SLC4A4: variants seen among roughly 807,000 people sequenced by gnomAD.
SLC4A4 encodes the protein electrogenic sodium bicarbonate cotransporter 1.
A neutral mutation model predicts 111.5 loss-of-function variants in SLC4A4; 27 were observed. The observed-to-expected ratio is 0.24, with a 90% CI of 0.18 to 0.33. The LOEUF (loss-of-function observed/expected upper bound fraction) is 0.33, where lower values mean the gene tolerates loss of function less well. Among genes scored for constraint, SLC4A4 ranks in the 10% least tolerant of loss-of-function variants. The pLI is 1.00. For missense variants in SLC4A4, 909 were observed against 1,315.5 expected (o/e 0.69, Z 4.78); for synonymous variants, 443 against 463.4 (o/e 0.96, Z 0.57).
At chr4:71,083,499 G>A (rs1310317424) in intron 1 of SLC4A4, among the ~76,000 whole-genome samples, 1 of 151,690 alleles carries the variant, frequency 6.6e-6, no homozygotes, top group Non-Finnish European at 1.5e-5. Context: ...TGATTATTAA[G>A]GTAAAACAGA....
chr4:71,561,555 T>C (rs531485649), intron 23 of SLC4A4, among the ~76,000 whole-genome samples: 1 of 151,608 alleles, frequency 6.6e-6, no homozygotes, highest in Non-Finnish European at 1.5e-5. Flanking sequence ...ATAAATTGAT[T>C]CAATAAGAAA....
chr4:71,336,040 C>T (rs1489214959), intron 3 of SLC4A4, among the ~76,000 whole-genome samples: 2 of 152,064 alleles, frequency 1.3e-5, no homozygotes, highest in Non-Finnish European at 2.9e-5. Flanking sequence ...TCTGTAAGAT[C>T]AGAGATCTTT....
At chr4:71,241,651 G>A (rs562645508) in intron 2 of SLC4A4, among the ~76,000 whole-genome samples, 2 of 152,228 alleles carry the variant, frequency 1.3e-5, no homozygotes, top group South Asian at 4.1e-4. Context: ...ATAAGTGTCC[G>A]GTTGCATTTT....
chr4:71,338,958 T>A, intron 3 of SLC4A4: 1 of 862,198 alleles, frequency 1.2e-6, no homozygotes, highest in South Asian at 1.9e-5. Flanking sequence ...ATCTCAGGAT[T>A]GGGGTACTTT....
At chr4:71,439,467 A>G (rs111601301) in intron 7 of SLC4A4, among the ~76,000 whole-genome samples, 14,321 of 135,326 alleles carry the variant, frequency 0.11, 1,271 homozygotes, top group African/African-American at 0.19. Context: ...AAAAAAAAAA[A>G]AAAAGAAAAG....
In SLC4A4 at chr4:71,214,325, C is replaced by T. The variant is rs183397311; in HGVS notation, c.-1-22251C>T. ...GTTTGAAAGGGAATGATAATTAAAG[C>T]AACTTCAGTTACATTGTGGATTTTC... On this transcript the variant is annotated intron_variant, in intron 1 of 25. Transcript: ENST00000264485. Among the ~76,000 whole-genome samples, 7 of 152,290 alleles carry T rather than the reference C, an allele frequency of 4.6e-5. No homozygotes were observed. In the East Asian group the frequency reaches 1.2e-3, roughly 25 times the overall value.
chr4:71,527,328 C>T (rs1264249220), intron 16 of SLC4A4, among the ~76,000 whole-genome samples: 1 of 151,988 alleles, frequency 6.6e-6, no homozygotes, highest in Non-Finnish European at 1.5e-5. Flanking sequence ...TGGCAGGATC[C>T]TAGACATATT....
chr4:71,339,279 A>C, intron 3 of SLC4A4, 91 bp from the exon 4 acceptor site: 1 of 1,614,230 alleles, frequency 6.2e-7, no homozygotes, highest in Non-Finnish European at 8.5e-7. Context: ...AGGGAAGCCC[A>C]GTAACCTTGG....
chr4:71,361,694 G>A (rs1730806461), intron 6 of SLC4A4, among the ~76,000 whole-genome samples: 1 of 152,126 alleles, frequency 6.6e-6, no homozygotes, highest in African/African-American at 2.4e-5. Flanking sequence ...AATTTCATAT[G>A]ATTCTACCTA....
chr4:71,274,482 A>G (rs1459608980), intron 3 of SLC4A4, among the ~76,000 whole-genome samples: 2 of 152,236 alleles, frequency 1.3e-5, no homozygotes, highest in African/African-American at 4.8e-5. Flanking sequence ...ATGAAGAAAT[A>G]AAACAAATAG....
At chr4:71,101,103 C>CA (rs1172110222) in intron 2 of SLC4A4, among the ~76,000 whole-genome samples, 3 of 151,824 alleles carry the variant, frequency 2.0e-5, no homozygotes, top group Non-Finnish European at 4.4e-5. Context: ...ACTAAAAGTA[C>CA]AAAAAATTAG....
intron 12 of SLC4A4, among the ~76,000 whole-genome samples, chr4:71,461,947 C>T (rs1726870662): frequency 6.6e-6 from 1 of 152,148 alleles, no homozygotes; most frequent in South Asian, 2.1e-4. Context: ...GTGTTGCCGC[C>T]TAAGACTTTT....
At chr4:71,463,316 T>C (rs1192746397) in intron 12 of SLC4A4, among the ~76,000 whole-genome samples, 2 of 152,182 alleles carry the variant, frequency 1.3e-5, no homozygotes, top group African/African-American at 4.8e-5. Flanking sequence ...GAGTGAACAC[T>C]GAATATAATA....
chr4:71,203,283 C>G (rs1746338877), intron 1 of SLC4A4, among the ~76,000 whole-genome samples: 2 of 152,284 alleles, frequency 1.3e-5, no homozygotes, highest in African/African-American at 4.8e-5. Context: ...GGAAACAACT[C>G]TATATCCAAG....
chr4:71,142,508 TC>T (rs1348819392), intron 2 of SLC4A4, among the ~76,000 whole-genome samples: 1 of 152,152 alleles, frequency 6.6e-6, no homozygotes, highest in Non-Finnish European at 1.5e-5. Flanking sequence ...TTTCTTACTT[TC>T]TTTCTTTTTG....
At chr4:71,218,659 G>A (rs1285497920) in intron 1 of SLC4A4, among the ~76,000 whole-genome samples, 11 of 152,144 alleles carry the variant, frequency 7.2e-5, no homozygotes, top group African/African-American at 2.7e-4. Context: ...TAGTAGCTGT[G>A]TGAACTTGAC....
At chr4:71,333,698 G>C (rs1311455608) in intron 3 of SLC4A4, among the ~76,000 whole-genome samples, 2 of 152,136 alleles carry the variant, frequency 1.3e-5, no homozygotes, top group East Asian at 3.9e-4. Context: ...AATCTATTTG[G>C]TACTCTATTC....
rs1486106703 is a variant in SLC4A4, at chr4:71,570,057, A to G, written c.*2306A>G. 1.3e-5 allele frequency: 2 copies of G among 151,760 alleles called. No homozygotes were observed. Among genetic ancestry groups the G allele is most frequent in the Non-Finnish European group, 2.9e-5 (2 of 67,832 alleles). The allele number at this position is 151,760 out of a possible 1,614,324, so 9.4% of individuals were successfully genotyped here. ...TCTTTATGCATGGAAGCATCAATAA[A>G]TTGTTTAAAAACCATGTATAGTAAA... On this transcript the variant is annotated 3_prime_UTR_variant, in exon 26 of 26. Coordinates refer to ENST00000264485, the MANE Select transcript of SLC4A4 (RefSeq NM_001098484.3).
chr4:71,524,314 A>T (rs1340111011), intron 16 of SLC4A4, among the ~76,000 whole-genome samples: 2 of 152,172 alleles, frequency 1.3e-5, no homozygotes. Flanking sequence ...TGGTATACAC[A>T]CATTGGGTTT....
Sources: gnomAD v4.1 joint callset for allele counts (sites outside exome capture counted in the v4.1 genomes callset) on GRCh38, gnomAD v4.1.1 for gene constraint, MANE v1.5 for transcripts, NCBI Gene and HGNC (gene_info 2026-07-23, HGNC 2026-07-21) for gene names.